Variants in VIPR2 observed in about 807,000 individuals in gnomAD.
VIPR2 encodes the protein vasoactive intestinal peptide receptor 2.
Under a neutral mutation model 58.0 loss-of-function variants are expected in VIPR2, and 48 were observed. The observed-to-expected ratio is 0.83, with a 90% confidence interval of 0.66 to 1.05. The LOEUF is 1.05. VIPR2 is among the 50% of genes least tolerant of loss of function. The pLI is 0.00. For synonymous variants in VIPR2, 243 were observed against 235.2 expected, an observed-to-expected ratio of 1.03 and a Z score of -0.30; for missense variants, 534 against 558.0, an observed-to-expected ratio of 0.96 and a Z score of 0.43.
At chr7:159,064,311 G>A (rs550822153) in intron 4 of VIPR2, among the ~76,000 whole-genome samples, 1 of 152,056 alleles carries the variant, frequency 6.6e-6, no homozygotes, top group South Asian at 2.1e-4. Context: ...TGGGCCCCGT[G>A]GGCTCGAGCG....
chr7:159,082,871 G>T (rs568597026), intron 4 of VIPR2, among the ~76,000 whole-genome samples: 1 of 152,214 alleles, frequency 6.6e-6, no homozygotes, highest in African/African-American at 2.4e-5. Flanking sequence ...GGTGGCTCAA[G>T]ACCATTCCCA....
chr7:159,132,844 T>TCCAAAATGCA (rs1796999818), intron 2 of VIPR2, among the ~76,000 whole-genome samples: 1 of 123,728 alleles, frequency 8.1e-6, no homozygotes, highest in Admixed American at 8.3e-5. Context: ...ACAGAATGAT[T>TCCAAAATGCA]GGCATACCGA....
chr7:159,110,315 A>T lies in VIPR2; in HGVS notation c.152-396T>A, dbSNP rs12668702. Reference sequence around the variant, plus strand: ...CTGACTTCAATGATTATTTGCAAATAAAAGTATTTGATAATATTTGTTTGA... The same window carrying T: ...CTGACTTCAATGATTATTTGCAAATTAAAGTATTTGATAATATTTGTTTGA... On this transcript the variant is annotated intron_variant, in intron 2 of 12. Coordinates refer to ENST00000262178, the MANE Select transcript of VIPR2 (RefSeq NM_003382.5). 2.4e-4 allele frequency among the ~76,000 whole-genome samples: 37 copies of T among 152,378 alleles called. 1 individual carries two copies. The East Asian group carries it at 5.6e-3, about 23-fold the overall frequency.
Position 159,097,535 on chromosome 7 carries a change from T to TA in VIPR2, c.357+6221dup. ...GCAGGGCTGTGAGTGCCCAGGGTGT[T>TA]AGAGATTCTACTGCCTTGCCCCTGC... On this transcript the variant is annotated intron_variant, in intron 4 of 12. Transcript: ENST00000262178. This position sits in a 1 kb window ranked among gnomAD's most constrained non-coding sequence, Gnocchi z 5.3. Among the ~76,000 whole-genome samples, 1 of 151,998 alleles carries TA rather than the reference T, an allele frequency of 6.6e-6. No individual in the cohort carries two copies.
chr7:159,132,821 C>CTGATTTCAGACAGAATGATTGGCATACA (rs1796993289), intron 2 of VIPR2, among the ~76,000 whole-genome samples: 3 of 30,086 alleles, frequency 1.0e-4, no homozygotes, highest in South Asian at 9.1e-4. Flanking sequence ...ATTGGCATAC[C>CTGATTTCAGACAGAATGATTGGCATACA]GATTGATTTG....
At chr7:159,044,585 G>A (rs1171690917) in intron 5 of VIPR2, among the ~76,000 whole-genome samples, 1 of 83,356 alleles carries the variant, frequency 1.2e-5, no homozygotes, top group Non-Finnish European at 2.6e-5. Context: ...TATGCTTAAA[G>A]AGTGCAAAAA....
chr7:159,126,221 C>G (rs1023975398), intron 2 of VIPR2, among the ~76,000 whole-genome samples: 15 of 152,184 alleles, frequency 9.9e-5, no homozygotes, highest in Admixed American at 4.6e-4. Flanking sequence ...TACAAAATAT[C>G]TTGTTACTCT....
At chr7:159,131,058 C>A (rs970630329) in intron 2 of VIPR2, among the ~76,000 whole-genome samples, 4 of 152,076 alleles carry the variant, frequency 2.6e-5, no homozygotes, top group Admixed American at 2.6e-4. Context: ...CATGCAGAAA[C>A]GTAGATAATG....
chr7:159,105,497 G>A (rs781219246), intron 3 of VIPR2, among the ~76,000 whole-genome samples: 1 of 152,232 alleles, frequency 6.6e-6, no homozygotes, highest in Non-Finnish European at 1.5e-5. Flanking sequence ...GTGCGTGCAT[G>A]ATTCTTGTCC....
At chr7:159,058,928 TC>T (rs1855478962) in intron 4 of VIPR2, among the ~76,000 whole-genome samples, 1 of 152,170 alleles carries the variant, frequency 6.6e-6, no homozygotes, top group African/African-American at 2.4e-5. Flanking sequence ...AGGCAGCACA[TC>T]CAGCTTTCTG....
chr7:159,096,817 G>A lies in VIPR2; in HGVS notation c.357+6940C>T. ...GGCCCCCGCAGCAGCCACAGGCCCA[G>A]CTCTTGTCCCGGCCCACCTCGGGAT... On this transcript the variant is annotated intron_variant, in intron 4 of 12. Transcript: ENST00000262178. This position sits in a 1 kb window ranked among gnomAD's most constrained non-coding sequence, Gnocchi z 5.5. The A allele has an allele frequency of 6.9e-7, 1 of 1,459,788 alleles. No homozygotes were observed. The highest frequency in any genetic ancestry group is 9.1e-7 in the Non-Finnish European group (1 of 1,096,768). The allele number at this position is 1,459,788 out of a possible 1,614,324, so 90.4% of individuals were successfully genotyped here. A position where few individuals can be genotyped will look rare whatever the true frequency, so the allele number is the denominator to read the frequency against.
At chr7:159,088,856 A>G (rs139669703) in intron 4 of VIPR2, among the ~76,000 whole-genome samples, 2,853 of 122,166 alleles carry the variant, frequency 0.023, 21 homozygotes, top group Middle Eastern at 0.069. Flanking sequence ...CTCAGGCCTC[A>G]GCTCCTCATC....
chr7:159,084,796 C>CA (rs1857089223), intron 4 of VIPR2, among the ~76,000 whole-genome samples: 1 of 152,196 alleles, frequency 6.6e-6, no homozygotes, highest in Non-Finnish European at 1.5e-5. Context: ...TTGCCAGTCT[C>CA]AGAGGTAGGA....
chr7:159,054,625 C>T (rs576887828), intron 5 of VIPR2, among the ~76,000 whole-genome samples: 10 of 152,300 alleles, frequency 6.6e-5, no homozygotes, highest in African/African-American at 1.2e-4. Context: ...TTATTACAGA[C>T]GCACAAGAAT....
intron 4 of VIPR2, among the ~76,000 whole-genome samples, chr7:159,088,507 G>T (rs1857307159): frequency 6.6e-6 from 1 of 152,094 alleles, no homozygotes; most frequent in Admixed American, 6.5e-5. Context: ...CACACAAGCT[G>T]CAGCACAGCT....
At chr7:159,059,432 C>T (rs953145694) in intron 4 of VIPR2, 16 of 439,970 alleles carry the variant, frequency 3.6e-5, no homozygotes, top group East Asian at 7.2e-5. Context: ...GCCCTAAGTC[C>T]GTATAAGTAC....
intron 4 of VIPR2, among the ~76,000 whole-genome samples, chr7:159,074,362 C>T (rs538997990): frequency 3.3e-5 from 5 of 152,308 alleles, no homozygotes; most frequent in South Asian, 2.1e-4. Flanking sequence ...TTGCTCAGGA[C>T]GCCATTTCCT....
At position 159,038,265 on chromosome 7, in the gene VIPR2, T is replaced by C. The variant is rs2129493138; in HGVS notation, c.598-1363A>G. On this transcript the variant is annotated intron_variant, in intron 6 of 12. Coordinates refer to ENST00000262178, the MANE Select transcript of VIPR2 (RefSeq NM_003382.5). ...ACCTCCCCAGTGCTCTGGATCTGCC[T>C]TGCCTTCCTCTGCTTTTCCTTTTTC... Among the ~76,000 whole-genome samples, 4 of 152,298 alleles carry C rather than the reference T, an allele frequency of 2.6e-5. 1 individual carries two copies. The South Asian group carries it at 8.3e-4, about 32-fold the overall frequency.
intron 4 of VIPR2, among the ~76,000 whole-genome samples, chr7:159,061,840 A>C (rs1855681571): frequency 6.6e-6 from 1 of 152,000 alleles, no homozygotes; most frequent in Admixed American, 6.5e-5. Context: ...ACCGGGATCA[A>C]GCTCGGTGCG....
Sources: gnomAD v4.1 joint callset for allele counts (sites outside exome capture counted in the v4.1 genomes callset) on GRCh38, gnomAD v4.1.1 for gene constraint, Gnocchi (gnomAD v3.1) non-coding constraint, MANE v1.5 for transcripts, NCBI Gene and HGNC (gene_info 2026-07-23, HGNC 2026-07-21) for gene names.